AGL: variants seen among roughly 807,000 people sequenced by gnomAD.
AGL encodes glycogen debranching enzyme.
A neutral mutation model predicts 199.3 loss-of-function variants in AGL; 128 were observed. The observed-to-expected ratio is 0.64, with a 90% CI of 0.56 to 0.74. The LOEUF (loss-of-function observed/expected upper bound fraction) is 0.74. AGL is among the 30% of genes least tolerant of loss of function. AGL has a pLI of 0.00. For synonymous variants in AGL, 584 were observed against 594.7 expected (o/e 0.98, Z 0.26); for missense variants, 1,809 against 1,820.8 (o/e 0.99, Z 0.12).
chr1:99,892,510 T>C lies in AGL; in HGVS notation c.3162T>C (p.Pro1054=), dbSNP rs1435765268. ...SVQLCGVGKF[P]SLPILSPALM... ...AACTGTGTGGAGTAGGAAAATTCCC[T>C]TCCCTGCCAATTCTTTCACCTGCCC... Residue 1054 remains proline (P), a synonymous_variant, in exon 24 of 34, where the codon CCT becomes CCC. Transcript: ENST00000361915. 2 of 1,613,550 alleles carry C rather than the reference T, an allele frequency of 1.2e-6. No individual in the cohort carries two copies. Among genetic ancestry groups the C allele is most frequent in the Admixed American group, 1.7e-5 (1 of 59,966 alleles).
chr1:99,854,032 A>G (rs963788924), intron 2 of AGL, among the ~76,000 whole-genome samples: 53 of 152,192 alleles, frequency 3.5e-4, no homozygotes, highest in African/African-American at 1.3e-3. Context: ...CTTCTCTACT[A>G]AAAATACAAA....
chr1:99,890,649 A>AT (rs1557771732), intron 21 of AGL, among the ~76,000 whole-genome samples: 10 of 147,382 alleles, frequency 6.8e-5, no homozygotes, highest in African/African-American at 2.2e-4. Flanking sequence ...AAGAAAAAAA[A>AT]AATATATATA....
Position 99,896,363 on chromosome 1 carries a change from A to G in AGL, c.3337A>G (p.Ile1113Val), listed in dbSNP as rs754646264. 4.3e-6 allele frequency: 7 copies of G among 1,613,986 alleles called. No homozygotes were observed. The Admixed American group carries it at 1.2e-4, about 27-fold the overall frequency. The change falls in exon 25 of 34, where the codon ATT becomes GTT. Residue 1113 changes from isoleucine to valine, a missense_variant. Coordinates refer to ENST00000361915, the MANE Select transcript of AGL (RefSeq NM_000642.3). ...TATTGCACTTAGAGGTATACTGCTG[A>G]TTACTGGACGCTATGTAGAAGCCAG... ...TFIALRGILLITGRYVEARNI... is the reference protein window; with the variant it reads ...TFIALRGILLVTGRYVEARNI...
chr1:99,886,734 C>A (rs1374713518), intron 20 of AGL, among the ~76,000 whole-genome samples: 1 of 152,048 alleles, frequency 6.6e-6, no homozygotes, highest in Non-Finnish European at 1.5e-5. Context: ...ATGTATTACC[C>A]CATTTTGCTA....
At chr1:99,881,761 G>C in intron 17 of AGL, 70 bp downstream of exon 17, 1 of 1,285,330 alleles carries the variant, frequency 7.8e-7, no homozygotes, top group Non-Finnish European at 1.1e-6. Context: ...GTAATGTTAT[G>C]GTTATATATC....
intron 25 of AGL, among the ~76,000 whole-genome samples, chr1:99,898,172 G>A (rs1421265436): frequency 6.6e-6 from 1 of 151,290 alleles, no homozygotes; most frequent in Non-Finnish European, 1.5e-5. Flanking sequence ...TCAGCCTCCT[G>A]AGTAGCTGGG....
Position 99,880,651 on chromosome 1 carries a change from T to C in AGL, c.1755T>C (p.Asn585=), listed in dbSNP as rs900875709. 7 of 1,614,024 alleles carry C rather than the reference T, an allele frequency of 4.3e-6. No individual in the cohort carries two copies. Among genetic ancestry groups the C allele is most frequent in the Non-Finnish European group, 5.1e-6 (6 of 1,179,902 alleles). The change falls in exon 14 of 34, where the codon AAT becomes AAC. Residue 585 remains asparagine (N), a synonymous_variant. Coordinates refer to ENST00000361915, the MANE Select transcript of AGL (RefSeq NM_000642.3). ...CTGCAGAGGCAATGAGTGCATATAA[T>C]AGTCATGAAGAGGGCAGATTAGTTT... ...SLIREAMSAY[N]SHEEGRLVYR...
chr1:99,896,096 A>C (rs1653291172), intron 24 of AGL, among the ~76,000 whole-genome samples, 190 bp from the exon 25 acceptor site: 2 of 152,232 alleles, frequency 1.3e-5, no homozygotes, highest in Admixed American at 1.3e-4. Context: ...AAGATAATGG[A>C]ATCTCATTTG....
At chr1:99,868,692 G>A (rs1426537455) in intron 5 of AGL, among the ~76,000 whole-genome samples, 1 of 152,120 alleles carries the variant, frequency 6.6e-6, no homozygotes, top group Non-Finnish European at 1.5e-5. Context: ...TGAGGCAGGA[G>A]GATCACTTCA....
rs1173769424 is a variant in AGL, at chr1:99,884,143, G to A, written c.2332G>A (p.Glu778Lys). 4 of 1,612,298 alleles carry A rather than the reference G, an allele frequency of 2.5e-6. No homozygotes were observed. The highest frequency in any genetic ancestry group is 3.4e-6 in the Non-Finnish European group (4 of 1,178,722). The change falls in exon 18 of 34, where the codon GAA (glutamate) becomes AAA (lysine). Residue 778 changes from glutamate to lysine, a missense_variant. Physicochemically the swap from Glu to Lys is moderately conservative, Grantham distance 56. Coordinates refer to ENST00000361915, the MANE Select transcript of AGL (RefSeq NM_000642.3). ...IPGKIEEVVLEARTIERNTKP... is the reference protein window; with the variant it reads ...IPGKIEEVVLKARTIERNTKP... ...AGGCAAAATTGAAGAAGTAGTTCTT[G>A]AAGCTAGAACTATTGAGAGAAACAC...
intron 27 of AGL, 74 bp downstream of exon 27, chr1:99,902,868 A>T: frequency 8.6e-7 from 1 of 1,158,360 alleles, no homozygotes; most frequent in South Asian, 1.3e-5. Flanking sequence ...TTCACTTAGT[A>T]AATATTTGTG....
At chr1:99,895,959 G>C (rs566478004) in intron 24 of AGL, among the ~76,000 whole-genome samples, 1 of 152,322 alleles carries the variant, frequency 6.6e-6, no homozygotes, top group African/African-American at 2.4e-5. Flanking sequence ...CTGGACAACA[G>C]AGCCAGACCC....
intron 5 of AGL, among the ~76,000 whole-genome samples, chr1:99,868,364 C>T (rs1467053613): frequency 6.6e-6 from 1 of 152,088 alleles, no homozygotes; most frequent in African/African-American, 2.4e-5. Flanking sequence ...GTAATCCCAG[C>T]ACTTTGGGAG....
intron 18 of AGL, 40 bp downstream of exon 18, chr1:99,884,284 T>C (rs1652276428): frequency 6.2e-7 from 1 of 1,612,558 alleles, no homozygotes; most frequent in African/African-American, 1.3e-5. Context: ...TTTAGCATTT[T>C]AAGAACATTA....
At chr1:99,918,042 C>G (rs139975805) in intron 33 of AGL, among the ~76,000 whole-genome samples, 38 of 152,220 alleles carry the variant, frequency 2.5e-4, no homozygotes, top group African/African-American at 8.4e-4. Context: ...TCCTTCTACC[C>G]GAAGGACTTT....
intron 29 of AGL, 24 bp from the exon 30 acceptor site, chr1:99,913,503 A>G: frequency 6.4e-7 from 1 of 1,558,828 alleles, no homozygotes; most frequent in South Asian, 1.1e-5. Context: ...GATTAAAACT[A>G]CCATGTCTTA....
chr1:99,891,613 A>C lies in AGL; in HGVS notation c.2957A>C (p.Lys986Thr). ...SRSGTIAEVG[K>T]WLQAMFFYLK... Reference sequence around the variant, plus strand: ...AATTTATTTTAATTACAGGTTGGTAAATGGTTGCAGGCTATGTTCTTCTAC... The same window carrying C: ...AATTTATTTTAATTACAGGTTGGTACATGGTTGCAGGCTATGTTCTTCTAC... The change falls in exon 23 of 34, where the codon AAA (lysine) becomes ACA (threonine). Residue 986 changes from lysine to threonine, a missense_variant. Lys to Thr is a moderately conservative substitution (Grantham distance 78, BLOSUM62 -1). Transcript: ENST00000361915. 6.2e-7 allele frequency: 1 copy of C among 1,613,572 alleles called. No individual in the cohort carries two copies. The highest frequency in any genetic ancestry group is 1.1e-5 in the South Asian group (1 of 91,078).
At chr1:99,880,542 T>C in intron 13 of AGL, 90 bp from the exon 14 acceptor site, 1 of 1,406,340 alleles carries the variant, frequency 7.1e-7, no homozygotes, top group Non-Finnish European at 1.0e-6. Flanking sequence ...GATGTGGTCT[T>C]TATTTTGAAA....
chr1:99,910,215 G>A (rs1654634691), intron 27 of AGL, among the ~76,000 whole-genome samples: 2 of 152,130 alleles, frequency 1.3e-5, no homozygotes, highest in African/African-American at 2.4e-5. Context: ...TACCCATTAA[G>A]TAATTTCTCA....
Sources: allele counts gnomAD v4.1 joint callset (sites outside exome capture counted in the v4.1 genomes callset), GRCh38; gene constraint gnomAD v4.1.1; transcripts MANE v1.5; gene names NCBI Gene and HGNC (gene_info 2026-07-23, HGNC 2026-07-21).